The following CA10 variants were observed in gnomAD, a reference collection of about 807,000 sequenced individuals.
CA10 encodes carbonic anhydrase-related protein 10.
A neutral mutation model predicts 44.2 loss-of-function variants in CA10; 14 were observed. The ratio of observed to expected loss-of-function variants is 0.32; its 90% confidence interval spans 0.21 to 0.50. The LOEUF (loss-of-function observed/expected upper bound fraction) is 0.50, where lower values mean the gene tolerates loss of function less well. CA10 is among the 20% of genes least tolerant of loss of function. The pLI is 0.99. For synonymous variants in CA10, 159 were observed against 141.6 expected (o/e 1.12, Z -0.87); for missense variants, 350 against 409.7 (o/e 0.85, Z 1.26).
intron 2 of CA10, among the ~76,000 whole-genome samples, chr17:52,044,139 G>A (rs1442367124): frequency 4.6e-5 from 7 of 151,928 alleles, no homozygotes; most frequent in Admixed American, 1.3e-4. Context: ...GTATTAATTC[G>A]TCTTTAAATG....
At chr17:51,893,926 G>T (rs946599367) in intron 3 of CA10, among the ~76,000 whole-genome samples, 1 of 151,904 alleles carries the variant, frequency 6.6e-6, no homozygotes, top group African/African-American at 2.4e-5. Context: ...ACACATATAT[G>T]GCAATAGAAT....
intron 4 of CA10, among the ~76,000 whole-genome samples, chr17:51,694,104 T>C (rs2143436730): frequency 6.6e-6 from 1 of 151,804 alleles, no homozygotes; most frequent in African/African-American, 2.4e-5. Flanking sequence ...CTTGGGAGGC[T>C]GAGGCAGGAG....
intron 2 of CA10, among the ~76,000 whole-genome samples, chr17:52,067,670 G>C (rs1055653656): frequency 4.0e-4 from 61 of 152,212 alleles, no homozygotes; most frequent in African/African-American, 1.4e-3. Context: ...CAGCTGGGAG[G>C]TGGACTGTAC....
At chr17:52,048,507 A>T (rs1350389157) in intron 2 of CA10, among the ~76,000 whole-genome samples, 2 of 152,040 alleles carry the variant, frequency 1.3e-5, no homozygotes, top group Non-Finnish European at 2.9e-5. Flanking sequence ...TATCGTAAAG[A>T]GTACAAAGAA....
chr17:52,014,012 T>C (rs530703442), intron 2 of CA10, among the ~76,000 whole-genome samples: 8 of 151,782 alleles, frequency 5.3e-5, no homozygotes, highest in African/African-American at 1.9e-4. Flanking sequence ...AGATAAATCA[T>C]GACAAACAAA....
intron 2 of CA10, among the ~76,000 whole-genome samples, chr17:51,983,862 G>T (rs751109955): frequency 3.3e-5 from 5 of 151,694 alleles, no homozygotes; most frequent in African/African-American, 4.8e-5. Context: ...TAGTGTCACT[G>T]CTTGGGTGGC....
chr17:51,745,276 T>A (rs749368234), intron 4 of CA10, among the ~76,000 whole-genome samples: 1 of 152,200 alleles, frequency 6.6e-6, no homozygotes, highest in Non-Finnish European at 1.5e-5. Context: ...CAAAATCTCT[T>A]GGGGAAAGTT....
At chr17:52,043,691 C>A (rs191541435) in intron 2 of CA10, among the ~76,000 whole-genome samples, 37 of 152,112 alleles carry the variant, frequency 2.4e-4, no homozygotes, top group African/African-American at 8.2e-4. Flanking sequence ...TAGCAGTGGG[C>A]TTGTCATACA....
intron 2 of CA10, among the ~76,000 whole-genome samples, chr17:51,967,014 A>G (rs753750635): frequency 3.9e-5 from 6 of 151,900 alleles, no homozygotes; most frequent in Non-Finnish European, 8.8e-5. Context: ...TCAACAAGCC[A>G]AAACCAACCC....
At chr17:52,140,084 G>C (rs1161581516) in intron 1 of CA10, among the ~76,000 whole-genome samples, 1 of 152,202 alleles carries the variant, frequency 6.6e-6, no homozygotes, top group African/African-American at 2.4e-5. Context: ...CCTGCACAAG[G>C]ATTGGAGAGG....
At chr17:51,833,804 A>C (rs1225964825) in intron 3 of CA10, among the ~76,000 whole-genome samples, 3 of 152,218 alleles carry the variant, frequency 2.0e-5, no homozygotes. Flanking sequence ...ATGGTAACAC[A>C]GGGTAAAATA....
chr17:51,919,894 TG>T (rs1982161051), intron 3 of CA10, among the ~76,000 whole-genome samples: 1 of 152,102 alleles, frequency 6.6e-6, no homozygotes, highest in Non-Finnish European at 1.5e-5. Flanking sequence ...CCCCATGATC[TG>T]CCTGCCTTGG....
intron 2 of CA10, among the ~76,000 whole-genome samples, chr17:52,035,575 G>A (rs1986593349): frequency 6.6e-6 from 1 of 151,996 alleles, no homozygotes; most frequent in Non-Finnish European, 1.5e-5. Context: ...GACTCACTGA[G>A]CTGTTAACAT....
At chr17:51,767,084 G>A (rs2143648787) in intron 3 of CA10, among the ~76,000 whole-genome samples, 1 of 152,280 alleles carries the variant, frequency 6.6e-6, no homozygotes, top group South Asian at 2.1e-4. Context: ...TGTGCACTGA[G>A]TGTTTACTAA....
At chr17:51,953,444 T>C (rs903549296) in intron 2 of CA10, among the ~76,000 whole-genome samples, 4 of 148,650 alleles carry the variant, frequency 2.7e-5, no homozygotes, top group African/African-American at 9.8e-5. Context: ...GAATAGTCCC[T>C]GGATATTTTT....
At chr17:51,810,330 G>A (rs1348089472) in intron 3 of CA10, among the ~76,000 whole-genome samples, 1 of 152,170 alleles carries the variant, frequency 6.6e-6, no homozygotes, top group African/African-American at 2.4e-5. Flanking sequence ...TATTTATTGA[G>A]TTAATTAAGT....
intron 2 of CA10, among the ~76,000 whole-genome samples, chr17:51,934,110 G>T (rs1008666967): frequency 6.6e-6 from 1 of 152,088 alleles, no homozygotes; most frequent in Admixed American, 6.6e-5. Flanking sequence ...TCCCTCATTG[G>T]CTCCAGCCCT....
intron 1 of CA10, among the ~76,000 whole-genome samples, chr17:52,102,062 C>T (rs1314408571): frequency 1.3e-5 from 2 of 152,174 alleles, no homozygotes; most frequent in African/African-American, 2.4e-5. Context: ...CAAAGTCCCT[C>T]CTTAGCCACC....
intron 4 of CA10, among the ~76,000 whole-genome samples, chr17:51,677,885 AC>A (rs201803270): frequency 0.1 from 14,379 of 137,870 alleles, 1,838 homozygotes; most frequent in African/African-American, 0.31. Flanking sequence ...CTAGGTATAC[AC>A]CCCCCCCCCC....
Sources: allele counts gnomAD v4.1 joint callset (sites outside exome capture counted in the v4.1 genomes callset), GRCh38; gene constraint gnomAD v4.1.1; transcripts MANE v1.5; gene names NCBI Gene and HGNC (gene_info 2026-07-23, HGNC 2026-07-21).